UNC5D: variants seen among roughly 807,000 people sequenced by gnomAD.
UNC5D encodes the protein netrin receptor UNC5D.
A neutral mutation model predicts 105.4 loss-of-function variants in UNC5D; 39 were observed. The ratio of observed to expected loss-of-function variants is 0.37; its 90% CI spans 0.29 to 0.48. The LOEUF is 0.48. Ranked by LOEUF, UNC5D falls within the 20% of genes least tolerant of loss-of-function variation. The pLI, the probability that UNC5D is intolerant of heterozygous loss-of-function variation, is 0.98. For synonymous variants in UNC5D, 452 were observed against 450.4 expected (o/e 1.00, Z -0.04); for missense variants, 991 against 1,202.4 (o/e 0.82, Z 2.60).
At chr8:35,725,324 A>G (rs1227219568) in intron 9 of UNC5D, among the ~76,000 whole-genome samples, 1 of 152,178 alleles carries the variant, frequency 6.6e-6, no homozygotes, top group Non-Finnish European at 1.5e-5. Context: ...TCACAAGAAA[A>G]TATCACAGCA....
At chr8:35,471,427 G>T (rs1809714858) in intron 1 of UNC5D, among the ~76,000 whole-genome samples, 1 of 152,160 alleles carries the variant, frequency 6.6e-6, no homozygotes, top group African/African-American at 2.4e-5. Context: ...AAAGCATTCA[G>T]TGAGGTTTTT....
At chr8:35,272,703 A>G (rs1200586859) in intron 1 of UNC5D, among the ~76,000 whole-genome samples, 5 of 152,216 alleles carry the variant, frequency 3.3e-5, no homozygotes, top group Non-Finnish European at 5.9e-5. Flanking sequence ...AGGACTCAGT[A>G]GGAGCTACTA....
intron 16 of UNC5D, 31 bp downstream of exon 16, chr8:35,774,508 T>C (rs368043734): frequency 1.2e-6 from 2 of 1,610,394 alleles, no homozygotes; most frequent in Non-Finnish European, 1.7e-6. Context: ...GAAGACGATG[T>C]TACTAAGAGA....
intron 4 of UNC5D, among the ~76,000 whole-genome samples, chr8:35,630,791 AC>A (rs1466873768): frequency 1.3e-5 from 2 of 151,898 alleles, no homozygotes; most frequent in African/African-American, 2.4e-5. Flanking sequence ...AGAATAATGT[AC>A]TGGGGTGGGG....
chr8:35,762,905 T>C lies in UNC5D; in HGVS notation c.2313+3436T>C, dbSNP rs1679379777. ...GTCTCCTGCTAAGATATGATTTACATTCTCTCCATCTGCTAAGAACCTAAT... is the reference window on the plus strand; with the variant it reads ...GTCTCCTGCTAAGATATGATTTACACTCTCTCCATCTGCTAAGAACCTAAT... On this transcript the variant is annotated intron_variant, in intron 14 of 16. Transcript: ENST00000404895. 2.0e-5 allele frequency among the ~76,000 whole-genome samples: 3 copies of C among 152,332 alleles called. No homozygotes were observed. In the South Asian group the frequency reaches 6.2e-4, roughly 32 times the overall value.
At chr8:35,757,831 C>T (rs11989578) in intron 13 of UNC5D, among the ~76,000 whole-genome samples, 6,658 of 152,282 alleles carry the variant, frequency 0.044, 372 homozygotes, top group African/African-American at 0.13. Flanking sequence ...CTCCACCAGA[C>T]ATTGGCTACC....
chr8:35,421,215 G>A (rs1198271810), intron 1 of UNC5D, among the ~76,000 whole-genome samples: 2 of 152,118 alleles, frequency 1.3e-5, no homozygotes, highest in Non-Finnish European at 2.9e-5. Context: ...AGGGATCTGT[G>A]CAATTTGGAA....
chr8:35,340,847 A>G (rs891771835), intron 1 of UNC5D, among the ~76,000 whole-genome samples: 7 of 152,164 alleles, frequency 4.6e-5, no homozygotes, highest in Non-Finnish European at 1.0e-4. Context: ...TATATGGGTG[A>G]AACATATTTT....
intron 1 of UNC5D, among the ~76,000 whole-genome samples, chr8:35,445,297 GA>G (rs1221164676): frequency 1.3e-5 from 2 of 151,966 alleles, no homozygotes; most frequent in African/African-American, 4.8e-5. Flanking sequence ...CAAAGGAATT[GA>G]AAAGGAGTTA....
intron 4 of UNC5D, among the ~76,000 whole-genome samples, chr8:35,646,451 A>T (rs1823054939): frequency 6.6e-6 from 1 of 151,996 alleles, no homozygotes; most frequent in African/African-American, 2.4e-5. Context: ...TTTCATCTTT[A>T]GTTTGGATAT....
chr8:35,482,016 T>G (rs189652764), intron 1 of UNC5D, among the ~76,000 whole-genome samples: 53 of 152,272 alleles, frequency 3.5e-4, no homozygotes, highest in African/African-American at 1.3e-3. Flanking sequence ...GAGAGAAATA[T>G]ATAGATAGAT....
At chr8:35,453,711 C>A (rs1183537223) in intron 1 of UNC5D, among the ~76,000 whole-genome samples, 1 of 152,140 alleles carries the variant, frequency 6.6e-6, no homozygotes, top group Non-Finnish European at 1.5e-5. Context: ...GGCCTCTTGG[C>A]TGCTTTTGCA....
chr8:35,603,296 A>G (rs754527195), intron 4 of UNC5D, among the ~76,000 whole-genome samples: 4 of 152,100 alleles, frequency 2.6e-5, no homozygotes, highest in Non-Finnish European at 4.4e-5. Context: ...TCATTTCATT[A>G]TGTACCCAGT....
intron 4 of UNC5D, among the ~76,000 whole-genome samples, chr8:35,683,283 C>G (rs2131337904): frequency 6.6e-6 from 1 of 152,250 alleles, no homozygotes; most frequent in Admixed American, 6.5e-5. Context: ...TCCTCCACTG[C>G]ATTTTTAGAA....
intron 7 of UNC5D, among the ~76,000 whole-genome samples, chr8:35,692,936 G>A (rs541075724): frequency 1.3e-5 from 2 of 152,232 alleles, no homozygotes; most frequent in Admixed American, 6.5e-5. Flanking sequence ...ATACTGCATA[G>A]CAAATGTGGA....
chr8:35,764,482 A>G (rs2131700465), intron 14 of UNC5D, among the ~76,000 whole-genome samples: 1 of 152,244 alleles, frequency 6.6e-6, no homozygotes. Context: ...TAGGAAAAGA[A>G]TCACATTAGA....
At chr8:35,253,131 T>G (rs987484038) in intron 1 of UNC5D, among the ~76,000 whole-genome samples, 5 of 152,072 alleles carry the variant, frequency 3.3e-5, no homozygotes, top group Non-Finnish European at 7.3e-5. Context: ...TGCGTGTGTG[T>G]GTATCTCCTT....
intron 1 of UNC5D, among the ~76,000 whole-genome samples, chr8:35,328,878 C>A (rs555434425): frequency 4.6e-5 from 7 of 152,176 alleles, no homozygotes; most frequent in African/African-American, 1.7e-4. Context: ...GTTTCTTCCC[C>A]AGTCACACAC....
rs1461172392 is a variant in UNC5D, at chr8:35,794,599, T to G, written c.*4036T>G. 1 of 152,660 alleles carries G rather than the reference T, an allele frequency of 6.6e-6. No individual in the cohort carries two copies. Among genetic ancestry groups the G allele is most frequent in the Non-Finnish European group, 1.5e-5 (1 of 68,044 alleles). The allele number at this position is 152,660 out of a possible 1,614,324, so 9.5% of individuals were successfully genotyped here. ...CCACTGTTTTGTCTGCATAGAATTT[T>G]CCTGAACTACAAGCAAAAATGTATT... On this transcript the variant is annotated 3_prime_UTR_variant, in exon 17 of 17. Coordinates refer to ENST00000404895, the MANE Select transcript of UNC5D (RefSeq NM_080872.4).
Sources: allele counts gnomAD v4.1 joint callset (sites outside exome capture counted in the v4.1 genomes callset), GRCh38; gene constraint gnomAD v4.1.1; transcripts MANE v1.5; gene names NCBI Gene and HGNC (gene_info 2026-07-23, HGNC 2026-07-21).